Variants in FSBP observed in about 807,000 individuals in gnomAD.
FSBP encodes fibrinogen silencer-binding protein.
A neutral mutation model predicts 24.6 loss-of-function variants in FSBP; 18 were observed. That is an observed-to-expected ratio of 0.73 (90% CI 0.51 to 1.08). The LOEUF (loss-of-function observed/expected upper bound fraction) is 1.08, where lower values mean the gene tolerates loss of function less well. FSBP is among the 50% of genes least tolerant of loss of function. The probability of loss-of-function intolerance (pLI) is 0.00; values close to 1 mark genes in which losing one functional copy is unlikely to be tolerated. For synonymous variants in FSBP, 110 were observed against 125.8 expected, an observed-to-expected ratio of 0.87 and a Z score of 0.84; for missense variants, 305 against 347.6, an observed-to-expected ratio of 0.88 and a Z score of 0.98.
chr8:94,429,257 T>C lies in FSBP; in HGVS notation c.*2874A>G. The C allele has an allele frequency of 2.0e-6, 1 of 507,406 alleles. No homozygotes were observed. The allele number at this position is 507,406 out of a possible 1,614,324, so 31.4% of individuals were successfully genotyped here. A position where few individuals can be genotyped will look rare whatever the true frequency, so the allele number is the denominator to read the frequency against. On this transcript the variant is annotated 3_prime_UTR_variant, in exon 2 of 2. Transcript: ENST00000481490. ...TAAACAATGCTGCAGAAAAATATGATTGTAGCAGACTATGTTTATGCTATT... is the reference window on the plus strand; with the variant it reads ...TAAACAATGCTGCAGAAAAATATGACTGTAGCAGACTATGTTTATGCTATT...
In FSBP at chr8:94,428,858, G is replaced by C; in HGVS notation, c.*3273C>G. 3.1e-6 allele frequency: 3 copies of C among 983,584 alleles called. No individual in the cohort carries two copies. Among genetic ancestry groups the C allele is most frequent in the Non-Finnish European group, 3.6e-6 (3 of 829,366 alleles). 60.9% of individuals were successfully genotyped at this position (983,584 alleles called of 1,614,324 possible). The stretch of plus-strand genomic sequence containing the variant: ...CTCAAAAAAGTCTCAATACAAAAAA[G>C]AAGAAAAAAAAAGGTTTGGTTCCAA... On this transcript the variant is annotated 3_prime_UTR_variant, in exon 2 of 2. Coordinates refer to ENST00000481490, the MANE Select transcript of FSBP (RefSeq NM_001256141.2).
In FSBP at chr8:94,429,748, A is replaced by C; in HGVS notation, c.*2383T>G. ...ATATATCAAGTTATATATTCAGGACATCTTTATAATTAAAGAAGTTAACTC... is the reference window on the plus strand; with the variant it reads ...ATATATCAAGTTATATATTCAGGACCTCTTTATAATTAAAGAAGTTAACTC... On this transcript the variant is annotated 3_prime_UTR_variant, in exon 2 of 2. Transcript: ENST00000481490. 1 of 983,818 alleles carries C rather than the reference A, an allele frequency of 1.0e-6. No individual in the cohort carries two copies. Among genetic ancestry groups the C allele is most frequent in the Non-Finnish European group, 1.2e-6 (1 of 828,434 alleles). The allele number at this position is 983,818 out of a possible 1,614,324, so 60.9% of individuals were successfully genotyped here. A position where few individuals can be genotyped will look rare whatever the true frequency, so the allele number is the denominator to read the frequency against.
In FSBP at chr8:94,431,352, C is replaced by T. The variant is rs920189436; in HGVS notation, c.*779G>A. On this transcript the variant is annotated 3_prime_UTR_variant, in exon 2 of 2. Transcript: ENST00000481490. Reference sequence around the variant, plus strand: ...GAATACCTTATCTATTTTGCTGGAACAAAAATAGAGAGAGAATGGGGGTAA... The same window carrying T: ...GAATACCTTATCTATTTTGCTGGAATAAAAATAGAGAGAGAATGGGGGTAA... 5 of 984,188 alleles carry T rather than the reference C, an allele frequency of 5.1e-6. No individual in the cohort carries two copies. Among genetic ancestry groups the T allele is most frequent in the South Asian group, 4.7e-5 (1 of 21,248 alleles). 61.0% of individuals were successfully genotyped at this position (984,188 alleles called of 1,614,324 possible). A position where few individuals can be genotyped will look rare whatever the true frequency, so the allele number is the denominator to read the frequency against.
chr8:94,430,379 C>T lies in FSBP; in HGVS notation c.*1752G>A, dbSNP rs983812999. 1.0e-6 allele frequency: 1 copy of T among 984,806 alleles called. No homozygotes were observed. The highest frequency in any genetic ancestry group is 1.8e-5 in the African/African-American group (1 of 57,142). The allele number at this position is 984,806 out of a possible 1,614,324, so 61.0% of individuals were successfully genotyped here. Reference sequence around the variant, plus strand: ...ATCAACCATCATCCAAATTTATATCCCTCAGTTCACTTTCAACTACTCTTC... The same window carrying T: ...ATCAACCATCATCCAAATTTATATCTCTCAGTTCACTTTCAACTACTCTTC... On this transcript the variant is annotated 3_prime_UTR_variant, in exon 2 of 2. Coordinates refer to ENST00000481490, the MANE Select transcript of FSBP (RefSeq NM_001256141.2).
chr8:94,436,204 G>C (rs1812255576), intron 1 of FSBP, among the ~76,000 whole-genome samples: 2 of 152,108 alleles, frequency 1.3e-5, no homozygotes, highest in Admixed American at 1.3e-4. Flanking sequence ...TAAAGCTTAA[G>C]AAGTTTATGA....
chr8:94,433,632 TTC>T (rs1267401918), intron 1 of FSBP, among the ~76,000 whole-genome samples: 19 of 152,124 alleles, frequency 1.2e-4, no homozygotes, highest in Admixed American at 9.2e-4. Context: ...AACCTTAAAA[TTC>T]TGTTTTATAA....
In FSBP at chr8:94,432,084, AT is replaced by A. The variant is rs1812112555; in HGVS notation, c.*46del. On this transcript the variant is annotated 3_prime_UTR_variant, in exon 2 of 2. Coordinates refer to ENST00000481490, the MANE Select transcript of FSBP (RefSeq NM_001256141.2). ...TTCAGGATATTCCCAAATTAAAGTA[AT>A]TTGGCCAAAATCAAAATTATCAAAT... 1 of 1,492,930 alleles carries A rather than the reference AT, an allele frequency of 6.7e-7. No individual in the cohort carries two copies. Among genetic ancestry groups the A allele is most frequent in the Admixed American group, 2.5e-5 (1 of 39,872 alleles). The allele number at this position is 1,492,930 out of a possible 1,614,324, so 92.5% of individuals were successfully genotyped here. A position where few individuals can be genotyped will look rare whatever the true frequency, so the allele number is the denominator to read the frequency against.
At position 94,429,945 on chromosome 8, in the gene FSBP, C is replaced by A. The variant is rs76538118; in HGVS notation, c.*2186G>T. 0.043 allele frequency: 42,628 copies of A among 985,282 alleles called. 980 individuals are homozygous for A. Among genetic ancestry groups the A allele is most frequent in the Non-Finnish European group, 0.047 (38,995 of 829,840 alleles). The allele number at this position is 985,282 out of a possible 1,614,324, so 61.0% of individuals were successfully genotyped here. A position where few individuals can be genotyped will look rare whatever the true frequency, so the allele number is the denominator to read the frequency against. ...CCTAAATGCCACTCCTCCTAAATCA[C>A]AACTATAATCAAATTAGCCCTCTAA... On this transcript the variant is annotated 3_prime_UTR_variant, in exon 2 of 2. Coordinates refer to ENST00000481490, the MANE Select transcript of FSBP (RefSeq NM_001256141.2).
At chr8:94,434,595 C>A (rs965077802) in intron 1 of FSBP, among the ~76,000 whole-genome samples, 8 of 151,576 alleles carry the variant, frequency 5.3e-5, no homozygotes, top group African/African-American at 1.9e-4. Context: ...GATTAACAGG[C>A]ATATTTATGT....
chr8:94,430,567 A>AAATC lies in FSBP; in HGVS notation c.*1563_*1564insGATT. On this transcript the variant is annotated 3_prime_UTR_variant, in exon 2 of 2. Transcript: ENST00000481490. ...TTCTAATTCACTTGGAAATGGATTT[A>AAATC]CATTTCTAACAAGTTCTCAAGTGAT... 1 of 675,138 alleles carries AAATC rather than the reference A, an allele frequency of 1.5e-6. No individual in the cohort carries two copies. Among genetic ancestry groups the AAATC allele is most frequent in the Non-Finnish European group, 1.8e-6 (1 of 547,346 alleles). 41.8% of individuals were successfully genotyped at this position (675,138 alleles called of 1,614,324 possible).
Position 94,431,046 on chromosome 8 carries a change from A to G in FSBP, c.*1085T>C. 1.0e-6 allele frequency: 1 copy of G among 985,284 alleles called. No homozygotes were observed. Among genetic ancestry groups the G allele is most frequent in the Non-Finnish European group, 1.2e-6 (1 of 829,900 alleles). The allele number at this position is 985,284 out of a possible 1,614,324, so 61.0% of individuals were successfully genotyped here. A position where few individuals can be genotyped will look rare whatever the true frequency, so the allele number is the denominator to read the frequency against. On this transcript the variant is annotated 3_prime_UTR_variant, in exon 2 of 2. Coordinates refer to ENST00000481490, the MANE Select transcript of FSBP (RefSeq NM_001256141.2). ...GAAATTACACCCACCCCATTCTACA[A>G]CTTGGCTTAAAAATCCCTTCTCAAC... is the stretch of plus-strand genomic sequence containing the variant.
At position 94,431,735 on chromosome 8, in the gene FSBP, G is replaced by C; in HGVS notation, c.*396C>G. 1 of 992,122 alleles carries C rather than the reference G, an allele frequency of 1.0e-6. No individual in the cohort carries two copies. Among genetic ancestry groups the C allele is most frequent in the Non-Finnish European group, 1.2e-6 (1 of 834,510 alleles). 61.5% of individuals were successfully genotyped at this position (992,122 alleles called of 1,614,324 possible). On this transcript the variant is annotated 3_prime_UTR_variant, in exon 2 of 2. Transcript: ENST00000481490. ...ATACAGACAAGCTTCTTGGTATTAGGTTAGTATAGCTCCTAAATTAGACTG... is the reference window on the plus strand; with the variant it reads ...ATACAGACAAGCTTCTTGGTATTAGCTTAGTATAGCTCCTAAATTAGACTG...
chr8:94,429,405 C>T lies in FSBP; in HGVS notation c.*2726G>A. On this transcript the variant is annotated 3_prime_UTR_variant, in exon 2 of 2. Transcript: ENST00000481490. The stretch of plus-strand genomic sequence containing the variant: ...ATGTATACTGCACTTTTTTTTAACA[C>T]AGATCTCTTTTCTAGAAACATCTCA... 1.1e-6 allele frequency: 1 copy of T among 871,266 alleles called. No homozygotes were observed. The allele number at this position is 871,266 out of a possible 1,614,324, so 54.0% of individuals were successfully genotyped here.
rs920135682 is a variant in FSBP, at chr8:94,431,015, A to C, written c.*1116T>G. The C allele has an allele frequency of 7.1e-6, 7 of 985,122 alleles. No homozygotes were observed. The African/African-American group carries it at 1.2e-4, about 17-fold the overall frequency. 61.0% of individuals were successfully genotyped at this position (985,122 alleles called of 1,614,324 possible). ...ACTTCAAACACCCATGGTCCCCTTCACTGCTGAAATTACACCCACCCCATT... is the reference window on the plus strand; with the variant it reads ...ACTTCAAACACCCATGGTCCCCTTCCCTGCTGAAATTACACCCACCCCATT... On this transcript the variant is annotated 3_prime_UTR_variant, in exon 2 of 2. Transcript: ENST00000481490.
Position 94,428,949 on chromosome 8 carries a change from A to T in FSBP, c.*3182T>A. The T allele has an allele frequency of 8.1e-6, 8 of 983,256 alleles. No homozygotes were observed. Among genetic ancestry groups the T allele is most frequent in the Non-Finnish European group, 8.5e-6 (7 of 827,968 alleles). 60.9% of individuals were successfully genotyped at this position (983,256 alleles called of 1,614,324 possible). A position where few individuals can be genotyped will look rare whatever the true frequency, so the allele number is the denominator to read the frequency against. On this transcript the variant is annotated 3_prime_UTR_variant, in exon 2 of 2. Coordinates refer to ENST00000481490, the MANE Select transcript of FSBP (RefSeq NM_001256141.2). ...AAAAGGATTCTATGGTCAAATAAAT[A>T]ATTTTCTTTATACAGGAATTCTCAT...
At chr8:94,435,904 C>A (rs1407059533) in intron 1 of FSBP, among the ~76,000 whole-genome samples, 1 of 152,020 alleles carries the variant, frequency 6.6e-6, no homozygotes, top group Non-Finnish European at 1.5e-5. Flanking sequence ...GGCATTAACT[C>A]CCTTTAGTTG....
At position 94,432,264 on chromosome 8, in the gene FSBP, T is replaced by C. The variant is rs781406219; in HGVS notation, c.767A>G (p.Tyr256Cys). The C allele has an allele frequency of 2.3e-5, 36 of 1,550,254 alleles. No homozygotes were observed. In the Middle Eastern group the frequency reaches 1.3e-3, roughly 57 times the overall value. Residue 256 changes from tyrosine (Y) to cysteine (C), a missense_variant, in exon 2 of 2, where the codon TAT becomes TGT. Tyr to Cys is a radical substitution (Grantham distance 194). Coordinates refer to ENST00000481490, the MANE Select transcript of FSBP (RefSeq NM_001256141.2). The part of the protein sequence containing the change: ...ILENQKNFGL[Y>C]VQEKRDGLKR... ...CAATCCATCCCTCTTCTCCTGAACA[T>C]ACAATCCAAAATTTTTTTGATTTTC...
At position 94,427,845 on chromosome 8, in the gene FSBP, A is replaced by G. The variant is rs1811982810; in HGVS notation, c.*4286T>C. ...TAAACATGTGTATTTAAAAGTTGAC[A>G]TTACTCCAAAAGAAGGCACATGAAA... On this transcript the variant is annotated 3_prime_UTR_variant, in exon 2 of 2. Coordinates refer to ENST00000481490, the MANE Select transcript of FSBP (RefSeq NM_001256141.2). 3.1e-5 allele frequency: 30 copies of G among 960,952 alleles called. No homozygotes were observed. Among genetic ancestry groups the G allele is most frequent in the Non-Finnish European group, 3.7e-5 (30 of 807,784 alleles). 59.5% of individuals were successfully genotyped at this position (960,952 alleles called of 1,614,324 possible). A position where few individuals can be genotyped will look rare whatever the true frequency, so the allele number is the denominator to read the frequency against.
At position 94,435,094 on chromosome 8, in the gene FSBP, C is replaced by CA. The variant is rs1311414737; in HGVS notation, c.374+1400dup. Among the ~76,000 whole-genome samples, 9 of 151,862 alleles carry CA rather than the reference C, an allele frequency of 5.9e-5. No individual in the cohort carries two copies. In the East Asian group the frequency reaches 1.5e-3, roughly 26 times the overall value. On this transcript the variant is annotated intron_variant, in intron 1 of 1. Transcript: ENST00000481490. ...AGGGTACAGTTTTATACCTGCGATGCAAAAAACACTTTTCTCCATGGTTCA... is the reference window on the plus strand; with the variant it reads ...AGGGTACAGTTTTATACCTGCGATGCAAAAAAACACTTTTCTCCATGGTTCA...
Sources: gnomAD v4.1 joint callset for allele counts (sites outside exome capture counted in the v4.1 genomes callset) on GRCh38, gnomAD v4.1.1 for gene constraint, MANE v1.5 for transcripts, NCBI Gene and HGNC (gene_info 2026-07-23, HGNC 2026-07-21) for gene names.